KAZN: variants seen among roughly 807,000 people sequenced by gnomAD.
The protein encoded by KAZN is kazrin, periplakin interacting protein, also known as kazrin.
Under a neutral mutation model 87.4 loss-of-function variants are expected in KAZN, and 40 were observed. The observed-to-expected ratio is 0.46, with a 90% CI of 0.36 to 0.60. The LOEUF (loss-of-function observed/expected upper bound fraction) is 0.60, where lower values mean the gene tolerates loss of function less well. KAZN is among the 20% of genes least tolerant of loss of function. KAZN has a pLI of 0.00. For missense variants in KAZN, 898 were observed against 1,073.9 expected (o/e 0.84, Z 2.29); for synonymous variants, 466 against 458.3 (o/e 1.02, Z -0.22).
intron 2 of KAZN, among the ~76,000 whole-genome samples, chr1:14,293,815 C>A (rs1230795464): frequency 6.6e-6 from 1 of 152,142 alleles, no homozygotes; most frequent in Non-Finnish European, 1.5e-5. Flanking sequence ...GCATCTAACT[C>A]CTCCATATAC....
chr1:14,823,262 C>T (rs1170958731), intron 1 of KAZN, among the ~76,000 whole-genome samples: 2 of 152,112 alleles, frequency 1.3e-5, no homozygotes, highest in African/African-American at 2.4e-5. Flanking sequence ...GGGCATGAAC[C>T]GAGACGTCCC....
intron 1 of KAZN, among the ~76,000 whole-genome samples, chr1:14,776,717 G>A (rs186687735): frequency 1.1e-4 from 16 of 152,158 alleles, no homozygotes; most frequent in African/African-American, 3.6e-4. Flanking sequence ...GCTTGAGCTC[G>A]GGAGTTGGAG....
chr1:14,181,504 C>A (rs371626682), intron 2 of KAZN, among the ~76,000 whole-genome samples: 4 of 152,246 alleles, frequency 2.6e-5, no homozygotes, highest in African/African-American at 9.6e-5. Context: ...TCCCGAAGCC[C>A]GGGTCTTGTA....
chr1:15,049,784 G>A (rs1249937439), intron 4 of KAZN, among the ~76,000 whole-genome samples: 3 of 152,146 alleles, frequency 2.0e-5, no homozygotes, highest in Non-Finnish European at 2.9e-5. Context: ...AGCACTTTGG[G>A]GAGGCCGAGG....
intron 2 of KAZN, among the ~76,000 whole-genome samples, chr1:14,988,787 T>G (rs1214711285): frequency 6.6e-6 from 1 of 152,094 alleles, no homozygotes; most frequent in African/African-American, 2.4e-5. Flanking sequence ...GGCCACTGAA[T>G]TGTGTCGGGT....
In KAZN at chr1:14,397,883, G is replaced by C. The variant is rs889733489; in HGVS notation, c.250-201100G>C. Among the ~76,000 whole-genome samples, 6 of 135,708 alleles carry C rather than the reference G, an allele frequency of 4.4e-5. No homozygotes were observed. The East Asian group carries it at 1.1e-3, about 25-fold the overall frequency. The allele number at this position is 135,708 out of a possible 152,430, so 89.0% of individuals were successfully genotyped here. On this transcript the variant is annotated intron_variant, in intron 2 of 16. Coordinates refer to the KAZN transcript ENST00000636203. Reference sequence around the variant, plus strand: ...TCTCAAAAAAAAAAAAAAAAAAAAAGGCAGAAGGAAGGATGTGCCTGTTCT... The same window carrying C: ...TCTCAAAAAAAAAAAAAAAAAAAAACGCAGAAGGAAGGATGTGCCTGTTCT...
intron 1 of KAZN, among the ~76,000 whole-genome samples, chr1:14,759,158 A>G (rs542486595): frequency 6.6e-6 from 1 of 152,188 alleles, no homozygotes; most frequent in African/African-American, 2.4e-5. Context: ...GGGGAGGGGC[A>G]CACACAGGGC....
chr1:14,798,140 G>A (rs76382862), intron 1 of KAZN, among the ~76,000 whole-genome samples: 1,763 of 152,150 alleles, frequency 0.012, 39 homozygotes, highest in African/African-American at 0.04. Context: ...TGTTGCTGCC[G>A]CTTACACAGT....
intron 2 of KAZN, among the ~76,000 whole-genome samples, chr1:14,472,236 T>C (rs953961831): frequency 6.6e-6 from 1 of 152,146 alleles, no homozygotes; most frequent in East Asian, 1.9e-4. Context: ...TTTCAAGATA[T>C]AAATTTTGGC....
chr1:15,100,906 G>GGTCTCTGCATC, intron 10 of KAZN, among the ~76,000 whole-genome samples: 1 of 152,136 alleles, frequency 6.6e-6, no homozygotes, highest in East Asian at 1.9e-4. Context: ...CAGAGCACTG[G>GGTCTCTGCATC]GGAGGGATGC....
At chr1:13,999,768 G>A (rs184258038) in intron 1 of KAZN, among the ~76,000 whole-genome samples, 186 of 152,112 alleles carry the variant, frequency 1.2e-3, no homozygotes, top group African/African-American at 4.5e-3. Flanking sequence ...CCAGGAGCTG[G>A]TTTTTTGAAA....
At chr1:14,538,064 T>C (rs1366444101) in intron 2 of KAZN, among the ~76,000 whole-genome samples, 1 of 152,194 alleles carries the variant, frequency 6.6e-6, no homozygotes. Flanking sequence ...GACTTATTCA[T>C]TGATGACCGG....
At chr1:14,281,164 T>G (rs539511154) in intron 2 of KAZN, among the ~76,000 whole-genome samples, 12 of 152,346 alleles carry the variant, frequency 7.9e-5, no homozygotes, top group African/African-American at 2.9e-4. Flanking sequence ...TGGTTTCCTT[T>G]GATCTAGTTG....
chr1:15,035,975 C>G (rs1256073717), intron 3 of KAZN, among the ~76,000 whole-genome samples: 1 of 152,160 alleles, frequency 6.6e-6, no homozygotes, highest in East Asian at 1.9e-4. Flanking sequence ...AGCCGCAGTT[C>G]AGAGACCAGA....
At chr1:14,266,712 A>AC (rs886973919) in intron 2 of KAZN, among the ~76,000 whole-genome samples, 23 of 151,726 alleles carry the variant, frequency 1.5e-4, no homozygotes, top group African/African-American at 4.1e-4. Context: ...GGACACTCGC[A>AC]CCCCCCCACA....
intron 2 of KAZN, among the ~76,000 whole-genome samples, chr1:14,243,760 A>T (rs936797157): frequency 2.0e-5 from 3 of 152,140 alleles, no homozygotes; most frequent in African/African-American, 7.2e-5. Flanking sequence ...TAAATTTAAG[A>T]TGGGGGTCTG....
At chr1:14,133,562 G>T (rs573892303) in intron 1 of KAZN, among the ~76,000 whole-genome samples, 6 of 152,110 alleles carry the variant, frequency 3.9e-5, no homozygotes, top group African/African-American at 1.4e-4. Flanking sequence ...CTTTTCTTCT[G>T]GTAACAGAAT....
intron 1 of KAZN, among the ~76,000 whole-genome samples, chr1:13,929,602 C>G (rs562675185): frequency 1.3e-5 from 2 of 152,210 alleles, no homozygotes; most frequent in African/African-American, 4.8e-5. Context: ...TACTAAAGGT[C>G]TACTCATGGT....
At position 13,973,020 on chromosome 1, in the gene KAZN, CTTCT is replaced by C. The variant is rs1365051943; in HGVS notation, c.91+79271_91+79274del. Among the ~76,000 whole-genome samples, 3 of 152,206 alleles carry C rather than the reference CTTCT, an allele frequency of 2.0e-5. No individual in the cohort carries two copies. The South Asian group carries it at 6.2e-4, about 32-fold the overall frequency. On this transcript the variant is annotated intron_variant, in intron 1 of 16. Coordinates refer to the KAZN transcript ENST00000636203. Reference sequence around the variant, plus strand: ...TAAAAATATTCTTGCTCTCAAGGGGCTTCTTTCTTTTTCTCATTTTCCCTCCACC... The same window carrying C: ...TAAAAATATTCTTGCTCTCAAGGGGCTTCTTTTTCTCATTTTCCCTCCACC...
Sources: gnomAD v4.1 joint callset for allele counts (sites outside exome capture counted in the v4.1 genomes callset) on GRCh38, gnomAD v4.1.1 for gene constraint, MANE v1.5 for transcripts, NCBI Gene and HGNC (gene_info 2026-07-23, HGNC 2026-07-21) for gene names.